ZDHHC14: variants seen among roughly 807,000 people sequenced by gnomAD.
The protein encoded by ZDHHC14 is palmitoyltransferase ZDHHC14.
ZDHHC14 carries 16 observed loss-of-function variants against 47.7 expected under a neutral mutation model. That is an observed-to-expected ratio of 0.34 (90% CI 0.23 to 0.51). The LOEUF is 0.51. ZDHHC14 is among the 20% of genes least tolerant of loss of function. ZDHHC14 has a pLI of 0.97. For missense variants in ZDHHC14, 515 were observed against 662.5 expected (o/e 0.78, Z 2.44); for synonymous variants, 293 against 278.9 (o/e 1.05, Z -0.50).
At chr6:157,618,777 C>T (rs1165972637) in intron 3 of ZDHHC14, among the ~76,000 whole-genome samples, 4 of 152,104 alleles carry the variant, frequency 2.6e-5, no homozygotes, top group Non-Finnish European at 5.9e-5. Context: ...GTTAAAATTT[C>T]TCATTTCATA....
chr6:157,430,102 G>A (rs1778307127), intron 1 of ZDHHC14, among the ~76,000 whole-genome samples: 1 of 152,020 alleles, frequency 6.6e-6, no homozygotes, highest in South Asian at 2.1e-4. Flanking sequence ...AGATCACGAG[G>A]TCAAGAGATT....
At chr6:157,464,381 A>C (rs1014790935) in intron 1 of ZDHHC14, among the ~76,000 whole-genome samples, 1 of 152,202 alleles carries the variant, frequency 6.6e-6, no homozygotes, top group Non-Finnish European at 1.5e-5. Flanking sequence ...TCCTCTGACT[A>C]AAAAGAGTTA....
chr6:157,534,292 G>C (rs1318808201), intron 1 of ZDHHC14, among the ~76,000 whole-genome samples: 2 of 152,154 alleles, frequency 1.3e-5, no homozygotes, highest in Non-Finnish European at 2.9e-5. Flanking sequence ...ATGCCTTACG[G>C]TTCCAGGATG....
chr6:157,657,569 T>C (rs993476654), intron 8 of ZDHHC14, among the ~76,000 whole-genome samples: 1 of 152,184 alleles, frequency 6.6e-6, no homozygotes. Context: ...AGGTCTTGCT[T>C]TAAAGCCCAT....
At chr6:157,648,664 A>G (rs774560806) in intron 7 of ZDHHC14, among the ~76,000 whole-genome samples, 19 of 152,212 alleles carry the variant, frequency 1.2e-4, no homozygotes, top group Non-Finnish European at 2.6e-4. Context: ...ATCCTGGGTT[A>G]GAGGAGCTGC....
intron 1 of ZDHHC14, among the ~76,000 whole-genome samples, chr6:157,510,592 C>A (rs1025179386): frequency 7.9e-5 from 12 of 152,236 alleles, no homozygotes; most frequent in African/African-American, 2.4e-4. Flanking sequence ...TCCAGGGCCT[C>A]CCCCTACCTT....
intron 1 of ZDHHC14, among the ~76,000 whole-genome samples, chr6:157,512,121 C>T (rs186238303): frequency 1.1e-4 from 16 of 152,298 alleles, no homozygotes; most frequent in East Asian, 7.7e-4. Context: ...TTCCCTCCTG[C>T]GGTAGGTCCA....
At chr6:157,536,403 A>G (rs1349840008) in intron 1 of ZDHHC14, among the ~76,000 whole-genome samples, 1 of 152,234 alleles carries the variant, frequency 6.6e-6, no homozygotes, top group Non-Finnish European at 1.5e-5. Context: ...TAGACAAAAC[A>G]TTAAAAGAGG....
intron 5 of ZDHHC14, among the ~76,000 whole-genome samples, chr6:157,635,349 T>C (rs534361308): frequency 1.3e-5 from 2 of 152,202 alleles, no homozygotes; most frequent in Non-Finnish European, 2.9e-5. Context: ...CATCTTATCC[T>C]ATCAAGATCC....
intron 8 of ZDHHC14, among the ~76,000 whole-genome samples, chr6:157,669,911 A>G (rs978177453): frequency 3.9e-5 from 6 of 152,248 alleles, no homozygotes; most frequent in Non-Finnish European, 8.8e-5. Flanking sequence ...CAGTAAGAAT[A>G]CGAAACGGTG....
At chr6:157,599,613 A>G (rs1237846437) in intron 3 of ZDHHC14, among the ~76,000 whole-genome samples, 1 of 152,258 alleles carries the variant, frequency 6.6e-6, no homozygotes, top group African/African-American at 2.4e-5. Flanking sequence ...ATGAAATAAA[A>G]TACTTTAAAA....
At chr6:157,570,794 C>CATATATATACACACACACACACATATAT (rs1562486339) in intron 2 of ZDHHC14, among the ~76,000 whole-genome samples, 1 of 147,758 alleles carries the variant, frequency 6.8e-6, no homozygotes, top group Non-Finnish European at 1.5e-5. Flanking sequence ...CACACACACA[C>CATATATATACACACACACACACATATAT]ATATATATAC....
At chr6:157,534,630 C>G (rs554699115) in intron 1 of ZDHHC14, among the ~76,000 whole-genome samples, 1 of 151,726 alleles carries the variant, frequency 6.6e-6, no homozygotes, top group Non-Finnish European at 1.5e-5. Context: ...GCTCTGTTGC[C>G]CAGGCTGGAG....
intron 1 of ZDHHC14, among the ~76,000 whole-genome samples, chr6:157,443,920 A>G (rs2114794903): frequency 6.6e-6 from 1 of 152,318 alleles, no homozygotes; most frequent in South Asian, 2.1e-4. Flanking sequence ...CACACTTCAG[A>G]ACAGAGCCTA....
intron 5 of ZDHHC14, among the ~76,000 whole-genome samples, chr6:157,636,503 C>T (rs1471892919): frequency 6.6e-6 from 1 of 152,174 alleles, no homozygotes; most frequent in Non-Finnish European, 1.5e-5. Flanking sequence ...TGCCCATCCT[C>T]ACTTCCCTCC....
rs1387163874 is a variant in ZDHHC14, at chr6:157,451,274, T to C, written c.245+69008T>C. ...AACAATTTTGAGGTATTTGGAGAAG[T>C]GGCAAATGGAAGAATAATAACCTTG... On this transcript the variant is annotated intron_variant, in intron 1 of 8. Transcript: ENST00000359775. 5.3e-5 allele frequency among the ~76,000 whole-genome samples: 8 copies of C among 152,166 alleles called. No homozygotes were observed. The East Asian group carries it at 1.5e-3, about 29-fold the overall frequency.
chr6:157,576,285 A>G (rs1340784555), intron 2 of ZDHHC14, among the ~76,000 whole-genome samples: 1 of 152,254 alleles, frequency 6.6e-6, no homozygotes, highest in Non-Finnish European at 1.5e-5. Flanking sequence ...GCAATATATT[A>G]TTAAGAAAAT....
At chr6:157,588,115 C>T (rs548175846) in intron 2 of ZDHHC14, among the ~76,000 whole-genome samples, 40 of 152,050 alleles carry the variant, frequency 2.6e-4, no homozygotes, top group African/African-American at 9.2e-4. Flanking sequence ...CAAAAATTAG[C>T]TGGGCGTGGT....
chr6:157,559,173 A>G (rs1372155477), intron 2 of ZDHHC14, among the ~76,000 whole-genome samples: 3 of 150,446 alleles, frequency 2.0e-5, no homozygotes, highest in Non-Finnish European at 4.4e-5. Flanking sequence ...AGAGAGACTG[A>G]TGGTGATTAC....
Sources: gnomAD v4.1 joint callset for allele counts (sites outside exome capture counted in the v4.1 genomes callset) on GRCh38, gnomAD v4.1.1 for gene constraint, MANE v1.5 for transcripts, NCBI Gene and HGNC (gene_info 2026-07-23, HGNC 2026-07-21) for gene names.